The following PPP1R9A variants were observed in gnomAD, a reference collection of about 807,000 sequenced individuals.
PPP1R9A encodes neurabin-1.
PPP1R9A carries 59 observed loss-of-function variants against 141.9 expected under a neutral mutation model. That is an observed-to-expected ratio of 0.42 (90% confidence interval 0.34 to 0.52). The LOEUF is 0.52. PPP1R9A is among the 20% of genes least tolerant of loss of function. The pLI is 0.10. For synonymous variants in PPP1R9A, 500 were observed against 569.7 expected, an observed-to-expected ratio of 0.88 and a Z score of 1.74; for missense variants, 1,444 against 1,611.9, an observed-to-expected ratio of 0.90 and a Z score of 1.78.
chr7:95,103,392 G>A (rs1214368879), intron 2 of PPP1R9A, among the ~76,000 whole-genome samples: 2 of 43,948 alleles, frequency 4.6e-5, no homozygotes, highest in Non-Finnish European at 1.1e-4. Flanking sequence ...AGACAGTCTC[G>A]CTCTGTTGCC....
chr7:94,963,278 AC>A (rs528483760), intron 2 of PPP1R9A, among the ~76,000 whole-genome samples: 1 of 152,034 alleles, frequency 6.6e-6, no homozygotes, highest in Non-Finnish European at 1.5e-5. Flanking sequence ...GGAAATGAAA[AC>A]CCTTTCTTAA....
chr7:95,079,730 G>C (rs550390278), intron 2 of PPP1R9A, among the ~76,000 whole-genome samples: 47 of 152,208 alleles, frequency 3.1e-4, no homozygotes, highest in African/African-American at 9.4e-4. Flanking sequence ...ACATCAAAAG[G>C]CTTATCCACC....
intron 2 of PPP1R9A, among the ~76,000 whole-genome samples, chr7:94,958,066 G>A (rs1256841958): frequency 6.6e-6 from 1 of 151,956 alleles, no homozygotes; most frequent in African/African-American, 2.4e-5. Context: ...GCCCTTTGAG[G>A]ACAAGACATA....
Position 95,269,318 on chromosome 7 carries a change from G to A in PPP1R9A, c.2935G>A (p.Asp979Asn), listed in dbSNP as rs561707591. 37 of 1,598,376 alleles carry A rather than the reference G, an allele frequency of 2.3e-5. No individual in the cohort carries two copies. The East Asian group carries it at 6.9e-4, about 30-fold the overall frequency. Residue 979 changes from aspartate (D) to asparagine (N), a missense_variant, in exon 14 of 20, where the codon GAT (aspartate) becomes AAT (asparagine). Transcript: ENST00000433360. ...TGGTGTTCCACCCCTCACCCCGGTG[G>A]ATAGCAATGTGCCCTTCTCGTCTGA... The part of the protein sequence containing the change: ...DSGVPPLTPV[D>N]SNVPFSSDHI...
intron 2 of PPP1R9A, among the ~76,000 whole-genome samples, chr7:95,094,452 C>A (rs1011973709): frequency 1.3e-5 from 2 of 152,162 alleles, no homozygotes; most frequent in Non-Finnish European, 2.9e-5. Flanking sequence ...TTTCCTGACC[C>A]ACAGTGATGT....
In PPP1R9A at chr7:95,291,262, C is replaced by G. The variant is rs1806316158; in HGVS notation, c.*959C>G. ...GGGGAACATTCTGGCTGGTCTTCAG[C>G]CTGCCTATGTCACAATCAGGAACTC... On this transcript the variant is annotated 3_prime_UTR_variant, in exon 20 of 20. Coordinates refer to ENST00000433360, the MANE Select transcript of PPP1R9A (RefSeq NM_001166160.2). The G allele has an allele frequency of 6.6e-6, 1 of 152,146 alleles. No homozygotes were observed. Among genetic ancestry groups the G allele is most frequent in the Admixed American group, 6.5e-5 (1 of 15,272 alleles). 9.4% of individuals were successfully genotyped at this position (152,146 alleles called of 1,614,324 possible). A position where few individuals can be genotyped will look rare whatever the true frequency, so the allele number is the denominator to read the frequency against.
intron 5 of PPP1R9A, among the ~76,000 whole-genome samples, chr7:95,184,837 T>A (rs1171985842): frequency 6.6e-6 from 1 of 152,198 alleles, no homozygotes; most frequent in Admixed American, 6.5e-5. Context: ...ATGCTGTATA[T>A]ATATGTACCA....
chr7:95,085,537 C>T (rs1816502693), intron 2 of PPP1R9A, among the ~76,000 whole-genome samples: 1 of 150,742 alleles, frequency 6.6e-6, no homozygotes, highest in African/African-American at 2.5e-5. Flanking sequence ...GCCTCAGCTT[C>T]CTGAGTAGCT....
At chr7:95,174,837 A>G (rs928606285) in intron 5 of PPP1R9A, 6 of 152,178 alleles carry the variant, frequency 3.9e-5, no homozygotes, top group African/African-American at 1.4e-4. Flanking sequence ...GTCTACAGCT[A>G]TAAACAGGAC....
intron 2 of PPP1R9A, among the ~76,000 whole-genome samples, chr7:94,990,189 A>C (rs1446005182): frequency 6.6e-6 from 1 of 152,134 alleles, no homozygotes; most frequent in African/African-American, 2.4e-5. Context: ...AAGTTATTTA[A>C]TTTGTAATTC....
chr7:94,940,138 A>G (rs1795182502), intron 2 of PPP1R9A, among the ~76,000 whole-genome samples: 1 of 152,110 alleles, frequency 6.6e-6, no homozygotes, highest in Non-Finnish European at 1.5e-5. Context: ...TTAAACCCCT[A>G]TAATGTGTCA....
chr7:94,957,095 G>A (rs1191072972), intron 2 of PPP1R9A, among the ~76,000 whole-genome samples: 1 of 152,136 alleles, frequency 6.6e-6, no homozygotes. Flanking sequence ...TGGAACAAGT[G>A]GAAGATTTGT....
chr7:95,224,630 A>G (rs1794896532), intron 7 of PPP1R9A, among the ~76,000 whole-genome samples: 2 of 152,152 alleles, frequency 1.3e-5, no homozygotes, highest in Non-Finnish European at 2.9e-5. Flanking sequence ...TCTGAAGGCA[A>G]TTTAATAATG....
intron 2 of PPP1R9A, among the ~76,000 whole-genome samples, chr7:95,057,964 A>T (rs183682578): frequency 6.6e-6 from 1 of 152,166 alleles, no homozygotes; most frequent in South Asian, 2.1e-4. Context: ...CATATTTGTC[A>T]ATTAGAGAGA....
chr7:95,137,934 CTTTT>C (rs1041692626), intron 4 of PPP1R9A, among the ~76,000 whole-genome samples: 2 of 134,526 alleles, frequency 1.5e-5, no homozygotes, highest in Non-Finnish European at 1.6e-5. Flanking sequence ...TTCTTTTTTT[CTTTT>C]TTTTTTTTTT....
rs1216952048 is a variant in PPP1R9A at position 95,264,558 on chromosome 7, A to G, written c.2666-3992A>G. ...TTCATAACAGCTGCTAAAATCATCA[A>G]ATCCATTAAATTCTTTTAAAGGATC... On this transcript the variant is annotated intron_variant, in intron 12 of 19. Transcript: ENST00000433360. Among the ~76,000 whole-genome samples the G allele has an allele frequency of 9.2e-5, 14 of 152,316 alleles. No individual in the cohort carries two copies. The East Asian group carries it at 2.1e-3, about 23-fold the overall frequency.
chr7:95,247,677 C>A, intron 9 of PPP1R9A, 151 bp downstream of exon 9: 1 of 584,460 alleles, frequency 1.7e-6, no homozygotes, highest in South Asian at 2.8e-5. Context: ...CGTAGACAAA[C>A]CTGCCAGTGA....
chr7:95,137,843 A>G (rs1176361993), intron 4 of PPP1R9A, among the ~76,000 whole-genome samples: 1 of 152,230 alleles, frequency 6.6e-6, no homozygotes, highest in East Asian at 1.9e-4. Flanking sequence ...TAATCAGGAC[A>G]GTATGCCATT....
chr7:95,044,783 A>G (rs922266238), intron 2 of PPP1R9A, among the ~76,000 whole-genome samples: 4 of 150,430 alleles, frequency 2.7e-5, no homozygotes, highest in Non-Finnish European at 1.5e-5. Flanking sequence ...GTGTGGTCCA[A>G]CCTGGTCTGG....
Sources: gnomAD v4.1 joint callset for allele counts (sites outside exome capture counted in the v4.1 genomes callset) on GRCh38, gnomAD v4.1.1 for gene constraint, MANE v1.5 for transcripts, NCBI Gene and HGNC (gene_info 2026-07-23, HGNC 2026-07-21) for gene names.